Variants in CYP46A1 observed in about 807,000 individuals in gnomAD.
CYP46A1 encodes cholesterol 24-hydroxylase.
Under a neutral mutation model 63.3 loss-of-function variants are expected in CYP46A1, and 20 were observed. The observed-to-expected ratio is 0.32, with a 90% CI of 0.22 to 0.46. The LOEUF (loss-of-function observed/expected upper bound fraction) is 0.46, where lower values mean the gene tolerates loss of function less well. Ranked by LOEUF, CYP46A1 falls within the 20% of genes least tolerant of loss-of-function variation. The pLI, the probability that CYP46A1 is intolerant of heterozygous loss-of-function variation, is 1.00. For missense variants in CYP46A1, 445 were observed against 670.8 expected, an observed-to-expected ratio of 0.66 and a Z score of 3.72; for synonymous variants, 268 against 273.6, an observed-to-expected ratio of 0.98 and a Z score of 0.20.
Position 99,706,730 on chromosome 14 carries a change from C to A in CYP46A1, c.527C>A (p.Thr176Asn), listed in dbSNP as rs1358963413. Residue 176 changes from threonine to asparagine, a missense_variant, in exon 6 of 15, where the codon ACC (threonine) becomes AAC (asparagine). Physicochemically the swap from Thr to Asn is moderately conservative, Grantham distance 65. Around this residue, in one of 4 missense-constraint regions of CYP46A1, gnomAD observed 252 missense variants for 383.3 expected, o/e 0.66. Transcript: ENST00000261835. The stretch of plus-strand genomic sequence containing the variant: ...CTAGAAGCCAAGGCAGATGGGCAGA[C>A]CCCAGTGTCCATGCAGGACATGCTG... ...EILEAKADGQ[T>N]PVSMQDMLTY... 2 of 1,613,688 alleles carry A rather than the reference C, an allele frequency of 1.2e-6. No individual in the cohort carries two copies. The highest frequency in any genetic ancestry group is 2.2e-5 in the South Asian group (2 of 91,038).
chr14:99,720,347 C>T (rs1220372305), intron 10 of CYP46A1, among the ~76,000 whole-genome samples: 1 of 152,180 alleles, frequency 6.6e-6, no homozygotes, highest in Non-Finnish European at 1.5e-5. Context: ...ATTTTACATT[C>T]CCACCAGCAG....
intron 5 of CYP46A1, among the ~76,000 whole-genome samples, chr14:99,705,669 G>A (rs553847629): frequency 3.3e-5 from 5 of 152,384 alleles, no homozygotes; most frequent in African/African-American, 1.2e-4. Flanking sequence ...GCTCACACCT[G>A]TAATCCCAGC....
At chr14:99,699,971 C>A in intron 4 of CYP46A1, 44 bp from the exon 5 acceptor site, 2 of 456,540 alleles carry the variant, frequency 4.4e-6, no homozygotes, top group Non-Finnish European at 7.9e-6. Context: ...AGTCGCTCCC[C>A]ACCCCCCACC....
chr14:99,684,364 C>A lies in CYP46A1; in HGVS notation c.-54C>A, dbSNP rs1201078307. 6.1e-6 allele frequency: 7 copies of A among 1,151,376 alleles called. No individual in the cohort carries two copies. Among genetic ancestry groups the A allele is most frequent in the Non-Finnish European group, 7.7e-6 (7 of 910,808 alleles). The allele number at this position is 1,151,376 out of a possible 1,614,324, so 71.3% of individuals were successfully genotyped here. On this transcript the variant is annotated 5_prime_UTR_variant, in exon 1 of 15. Coordinates refer to ENST00000261835, the MANE Select transcript of CYP46A1 (RefSeq NM_006668.2). Reference sequence around the variant, plus strand: ...ACAGCTGAGTCGGCTCGCGGCCTCCCGGCCCCCTCGGCGCCCGGCCCGACC... The same window carrying A: ...ACAGCTGAGTCGGCTCGCGGCCTCCAGGCCCCCTCGGCGCCCGGCCCGACC...
At chr14:99,717,186 A>G (rs538539968) in intron 9 of CYP46A1, among the ~76,000 whole-genome samples, 4 of 152,204 alleles carry the variant, frequency 2.6e-5, no homozygotes, top group South Asian at 4.1e-4. Flanking sequence ...CAGTCTCCTC[A>G]TCTGTAAAAT....
chr14:99,712,727 C>A (rs1368245275), intron 7 of CYP46A1: 1 of 152,138 alleles, frequency 6.6e-6, no homozygotes, highest in Non-Finnish European at 1.5e-5. Flanking sequence ...CTACCTAAAG[C>A]AATCTAAAGA....
chr14:99,685,920 G>A (rs1244422741), intron 1 of CYP46A1, among the ~76,000 whole-genome samples: 2 of 152,012 alleles, frequency 1.3e-5, no homozygotes, highest in African/African-American at 4.8e-5. Flanking sequence ...CCTCAGGGAG[G>A]TTCCTCCTGC....
chr14:99,716,109 G>A (rs1401935189), intron 8 of CYP46A1, 28 bp from the exon 9 acceptor site: 2 of 1,613,856 alleles, frequency 1.2e-6, no homozygotes, highest in Non-Finnish European at 1.7e-6. Flanking sequence ...AAGATTTGCT[G>A]GGAACTGAGA....
chr14:99,718,557 C>T (rs760346740), intron 10 of CYP46A1, among the ~76,000 whole-genome samples: 1 of 152,144 alleles, frequency 6.6e-6, no homozygotes, highest in Non-Finnish European at 1.5e-5. Context: ...TTGCCAAGAG[C>T]GTGCTTGTCT....
intron 7 of CYP46A1, among the ~76,000 whole-genome samples, chr14:99,713,865 CAAAAA>C (rs71113218): frequency 0.058 from 3,887 of 66,990 alleles, 24 homozygotes; most frequent in Middle Eastern, 0.14. Context: ...GACTCCATCT[CAAAAA>C]AAAAAAAAAA....
chr14:99,698,120 A>G (rs1461814411), intron 3 of CYP46A1, among the ~76,000 whole-genome samples: 7 of 151,986 alleles, frequency 4.6e-5, no homozygotes, highest in Non-Finnish European at 1.0e-4. Flanking sequence ...AACCCCCAGG[A>G]GCTAATCTCA....
chr14:99,709,725 A>C (rs1412388429), intron 7 of CYP46A1: 2 of 152,214 alleles, frequency 1.3e-5, no homozygotes, highest in Non-Finnish European at 2.9e-5. Context: ...TAATGATGGG[A>C]GCTCAAAAAT....
At chr14:99,684,621 G>A in intron 1 of CYP46A1, 85 bp downstream of exon 1, 5 of 1,229,632 alleles carry the variant, frequency 4.1e-6, no homozygotes, top group Non-Finnish European at 5.6e-6. Context: ...CCAGGCCGGG[G>A]GTCCGGCCTC....
chr14:99,719,083 C>T (rs1415460170), intron 10 of CYP46A1, among the ~76,000 whole-genome samples: 4 of 152,068 alleles, frequency 2.6e-5, no homozygotes, highest in Non-Finnish European at 5.9e-5. Flanking sequence ...CTCATTGTAA[C>T]CTCCTCCCAA....
Position 99,715,942 on chromosome 14 carries a change from C to G in CYP46A1, c.826C>G (p.Leu276Val). 6.3e-7 allele frequency: 1 copy of G among 1,599,870 alleles called. No individual in the cohort carries two copies. Among genetic ancestry groups the G allele is most frequent in the Non-Finnish European group, 8.5e-7 (1 of 1,171,744 alleles). The change falls in exon 8 of 15, where the codon CTC becomes GTC. Residue 276 changes from leucine to valine, a missense_variant. Leu to Val is a conservative substitution (Grantham distance 32). This residue lies in a region of CYP46A1 where 252 missense variants were observed against 383.3 expected (regional missense o/e 0.66). Coordinates refer to ENST00000261835, the MANE Select transcript of CYP46A1 (RefSeq NM_006668.2). ...GGGCGAGGAGGTTCCTGCCGACATC[C>G]TCACACAGATTCTGAAAGGTGCAAG... is the stretch of plus-strand genomic sequence containing the variant. ...KRGEEVPADI[L>V]TQILKAEEGA...
Position 99,722,166 on chromosome 14 carries a change from C to A in CYP46A1, c.1176+100C>A. ...GGGGAGCCTGTGGCCCTGTTCCCAT[C>A]ATTGCAACGGGCCTCACTGGCTGCC... On this transcript the variant is annotated intron_variant, in intron 12 of 14. Coordinates refer to ENST00000261835, the MANE Select transcript of CYP46A1 (RefSeq NM_006668.2). The surrounding 1 kb of genome is among the most constrained non-coding windows in gnomAD (Gnocchi z 4.6). The A allele has an allele frequency of 1.2e-6, 1 of 820,218 alleles. No individual in the cohort carries two copies. Among genetic ancestry groups the A allele is most frequent in the Non-Finnish European group, 1.9e-6 (1 of 512,926 alleles). 50.8% of individuals were successfully genotyped at this position (820,218 alleles called of 1,614,324 possible). A position where few individuals can be genotyped will look rare whatever the true frequency, so the allele number is the denominator to read the frequency against.
In CYP46A1 at chr14:99,700,111, G is replaced by C; in HGVS notation, c.443+10G>C. 1 of 1,587,758 alleles carries C rather than the reference G, an allele frequency of 6.3e-7. No individual in the cohort carries two copies. Among genetic ancestry groups the C allele is most frequent in the Non-Finnish European group, 8.6e-7 (1 of 1,162,468 alleles). On this transcript the variant is annotated intron_variant, in intron 5 of 14. Transcript: ENST00000261835. ...TGGCCTTCAGCCGGAGGTGAGTGTG[G>C]CCGGAGGCTCCGTGGCTCCTGCCTG...
chr14:99,726,546 G>A lies in CYP46A1; in HGVS notation c.1333-11G>A, dbSNP rs578228164. 4.4e-5 allele frequency: 69 copies of A among 1,560,514 alleles called. 1 individual carries two copies. The East Asian group carries it at 7.3e-4, about 17-fold the overall frequency. On this transcript the variant is annotated splice_polypyrimidine_tract_variant and intron_variant, in intron 14 of 14. Coordinates refer to ENST00000261835, the MANE Select transcript of CYP46A1 (RefSeq NM_006668.2). The stretch of plus-strand genomic sequence containing the variant: ...CCTTCATTCCTTCCTCATTTTGCCC[G>A]CTGGGCCCAGATGGAGGTGAAGGTG...
At position 99,689,962 on chromosome 14, in the gene CYP46A1, C is replaced by T. The variant is rs1465566678; in HGVS notation, c.120-1119C>T. 2.6e-5 allele frequency among the ~76,000 whole-genome samples: 4 copies of T among 152,226 alleles called. 1 individual carries two copies. The highest frequency in any genetic ancestry group is 4.1e-4 in the South Asian group (2 of 4,832). ...CCACAGCCCACAAGGCTCTACATGACCTGCCCCCAGTCTTGGTGACCCACC... is the reference window on the plus strand; with the variant it reads ...CCACAGCCCACAAGGCTCTACATGATCTGCCCCCAGTCTTGGTGACCCACC... On this transcript the variant is annotated intron_variant, in intron 1 of 14. Coordinates refer to ENST00000261835, the MANE Select transcript of CYP46A1 (RefSeq NM_006668.2).
Sources: allele counts gnomAD v4.1 joint callset (sites outside exome capture counted in the v4.1 genomes callset), GRCh38; gene constraint gnomAD v4.1.1; regional missense constraint gnomAD v4.1.1; non-coding constraint Gnocchi (gnomAD v3.1); transcripts MANE v1.5; gene names NCBI Gene and HGNC (gene_info 2026-07-23, HGNC 2026-07-21).